Variants in RUNDC3B observed in about 807,000 individuals in gnomAD.
RUNDC3B encodes the protein RUN domain-containing protein 3B.
Under a neutral mutation model 58.4 loss-of-function variants are expected in RUNDC3B, and 33 were observed. The ratio of observed to expected loss-of-function variants is 0.56; its 90% CI spans 0.43 to 0.75. The LOEUF (loss-of-function observed/expected upper bound fraction) is 0.75. Ranked by LOEUF, RUNDC3B falls within the 30% of genes least tolerant of loss-of-function variation. The probability of loss-of-function intolerance (pLI) is 0.00; values close to 1 mark genes in which losing one functional copy is unlikely to be tolerated. For missense variants in RUNDC3B, 501 were observed against 535.7 expected (o/e 0.94, Z 0.64); for synonymous variants, 193 against 195.2 (o/e 0.99, Z 0.10).
In RUNDC3B at chr7:87,628,474, C is replaced by T. The variant is rs1285923624; in HGVS notation, c.-350C>T. 5.3e-6 allele frequency: 1 copy of T among 188,416 alleles called. No homozygotes were observed. Among genetic ancestry groups the T allele is most frequent in the Non-Finnish European group, 1.1e-5 (1 of 91,806 alleles). 11.7% of individuals were successfully genotyped at this position (188,416 alleles called of 1,614,324 possible). A position where few individuals can be genotyped will look rare whatever the true frequency, so the allele number is the denominator to read the frequency against. ...GGCGTGAGGGGCCGACGGGCTCGCG[C>T]GCGCGCCGTCTGCTGAGGTCCCTCG... On this transcript the variant is annotated 5_prime_UTR_variant, in exon 1 of 11. Transcript: ENST00000394654.
chr7:87,652,217 G>A (rs1163117262), intron 2 of RUNDC3B, among the ~76,000 whole-genome samples: 1 of 151,888 alleles, frequency 6.6e-6, no homozygotes, highest in Admixed American at 6.6e-5. Flanking sequence ...CCCTTGATCT[G>A]GTATATCATT....
intron 6 of RUNDC3B, among the ~76,000 whole-genome samples, chr7:87,753,334 A>G (rs1833143557): frequency 6.6e-6 from 1 of 151,922 alleles, no homozygotes; most frequent in South Asian, 2.1e-4. Context: ...ATGGTGCTGA[A>G]AAAAATGTAT....
intron 10 of RUNDC3B, among the ~76,000 whole-genome samples, chr7:87,818,891 C>T (rs1361542803): frequency 6.6e-6 from 1 of 151,978 alleles, no homozygotes; most frequent in East Asian, 1.9e-4. Context: ...AAATTTAAAG[C>T]CAGAAAAGCC....
At chr7:87,757,114 A>G (rs1300718536) in intron 6 of RUNDC3B, among the ~76,000 whole-genome samples, 1 of 152,202 alleles carries the variant, frequency 6.6e-6, no homozygotes, top group Non-Finnish European at 1.5e-5. Context: ...CAGCACCGTG[A>G]AAGGCCTGCT....
At chr7:87,826,042 T>A (rs1413429449) in intron 10 of RUNDC3B, among the ~76,000 whole-genome samples, 3 of 152,122 alleles carry the variant, frequency 2.0e-5, no homozygotes, top group Admixed American at 6.6e-5. Context: ...CTGAAATGAG[T>A]TAAGACTTTG....
rs949311722 is a variant in RUNDC3B, at chr7:87,679,610, G to A, written c.239-20811G>A. 5.3e-5 allele frequency among the ~76,000 whole-genome samples: 8 copies of A among 150,028 alleles called. No individual in the cohort carries two copies. The South Asian group carries it at 1.5e-3, about 28-fold the overall frequency. On this transcript the variant is annotated intron_variant, in intron 2 of 10. Transcript: ENST00000394654. ...TCACTATGTTGCCCTGGCTGGTCTCGAACTACTGGGCTCAAGTGGTCCTCT... is the reference window on the plus strand; with the variant it reads ...TCACTATGTTGCCCTGGCTGGTCTCAAACTACTGGGCTCAAGTGGTCCTCT...
intron 1 of RUNDC3B, among the ~76,000 whole-genome samples, chr7:87,636,213 C>T (rs1821755656): frequency 6.6e-6 from 1 of 152,118 alleles, no homozygotes; most frequent in Admixed American, 6.5e-5. Context: ...TGTAGGAGTT[C>T]CAGTTGTTCT....
intron 4 of RUNDC3B, among the ~76,000 whole-genome samples, chr7:87,736,872 T>TATATATAA (rs1393718990): frequency 3.0e-4 from 12 of 39,856 alleles, no homozygotes; most frequent in Non-Finnish European, 5.4e-4. Context: ...TATATATATA[T>TATATATAA]ATATATATAT....
At chr7:87,739,731 T>C in intron 4 of RUNDC3B, 60 bp from the exon 5 acceptor site, 1 of 761,534 alleles carries the variant, frequency 1.3e-6, no homozygotes. Flanking sequence ...AAATGATTTC[T>C]CTCGATCAAA....
intron 2 of RUNDC3B, among the ~76,000 whole-genome samples, chr7:87,656,589 A>G (rs1211312457): frequency 6.6e-6 from 1 of 152,162 alleles, no homozygotes; most frequent in Non-Finnish European, 1.5e-5. Context: ...GGGGAGGAGG[A>G]AAATAGAATA....
At chr7:87,786,204 T>C (rs1186299363) in intron 8 of RUNDC3B, among the ~76,000 whole-genome samples, 1 of 152,156 alleles carries the variant, frequency 6.6e-6, no homozygotes, top group Non-Finnish European at 1.5e-5. Context: ...AGAATTGGAC[T>C]CTGCAGACAC....
chr7:87,768,805 T>G (rs1283183658), intron 6 of RUNDC3B, among the ~76,000 whole-genome samples: 1 of 152,104 alleles, frequency 6.6e-6, no homozygotes, highest in East Asian at 1.9e-4. Flanking sequence ...TATCTCAACT[T>G]TCCACTCAGG....
chr7:87,643,883 T>C (rs928406495), intron 1 of RUNDC3B, among the ~76,000 whole-genome samples: 2 of 150,644 alleles, frequency 1.3e-5, no homozygotes, highest in Non-Finnish European at 3.0e-5. Context: ...TTTTTTTGTT[T>C]GTTTCCGCTC....
At chr7:87,751,610 G>T (rs1832992015) in intron 6 of RUNDC3B, among the ~76,000 whole-genome samples, 1 of 151,990 alleles carries the variant, frequency 6.6e-6, no homozygotes, top group African/African-American at 2.4e-5. Context: ...CTTGTAAGTT[G>T]GATTCCTAGG....
intron 1 of RUNDC3B, among the ~76,000 whole-genome samples, chr7:87,641,902 C>G (rs1482994086): frequency 6.6e-6 from 1 of 151,856 alleles, no homozygotes; most frequent in Non-Finnish European, 1.5e-5. Flanking sequence ...TTTACAGAAC[C>G]AAATCTTCTG....
At chr7:87,734,704 C>G (rs918430936) in intron 4 of RUNDC3B, among the ~76,000 whole-genome samples, 1 of 152,152 alleles carries the variant, frequency 6.6e-6, no homozygotes, top group South Asian at 2.1e-4. Context: ...TTCTGCCCCT[C>G]ATCACTCCAC....
chr7:87,677,151 CA>C (rs1408290002), intron 2 of RUNDC3B, among the ~76,000 whole-genome samples: 1 of 151,948 alleles, frequency 6.6e-6, no homozygotes, highest in Admixed American at 6.6e-5. Context: ...AAGATAAAAT[CA>C]GTATTTGGAA....
At chr7:87,711,808 G>T (rs1830114972) in intron 4 of RUNDC3B, among the ~76,000 whole-genome samples, 1 of 152,068 alleles carries the variant, frequency 6.6e-6, no homozygotes, top group Non-Finnish European at 1.5e-5. Context: ...ATCACAGAAG[G>T]TTCTATTGGT....
chr7:87,733,836 C>T (rs1831753856), intron 4 of RUNDC3B, among the ~76,000 whole-genome samples: 1 of 152,194 alleles, frequency 6.6e-6, no homozygotes, highest in Non-Finnish European at 1.5e-5. Flanking sequence ...TCCTGCCCTG[C>T]AGCTCCAGTT....
Sources: gnomAD v4.1 joint callset for allele counts (sites outside exome capture counted in the v4.1 genomes callset) on GRCh38, gnomAD v4.1.1 for gene constraint, MANE v1.5 for transcripts, NCBI Gene and HGNC (gene_info 2026-07-23, HGNC 2026-07-21) for gene names.